The following PRR16 variants were observed in gnomAD, a reference collection of about 807,000 sequenced individuals.
PRR16 encodes the protein proline rich 16, also known as protein Largen.
Under a neutral mutation model 18.2 loss-of-function variants are expected in PRR16, and 6 were observed. That is an observed-to-expected ratio of 0.33 (90% CI 0.18 to 0.65). PRR16 has a LOEUF of 0.65. PRR16 is among the 30% of genes least tolerant of loss of function. PRR16 has a pLI of 0.74. For missense variants in PRR16, 412 were observed against 376.6 expected (o/e 1.09, Z -0.78); for synonymous variants, 151 against 147.8 (o/e 1.02, Z -0.16).
intron 1 of PRR16, among the ~76,000 whole-genome samples, chr5:120,548,674 A>G (rs979476474): frequency 3.9e-5 from 6 of 151,998 alleles, no homozygotes; most frequent in African/African-American, 1.4e-4. Flanking sequence ...ACTATCTTTT[A>G]TCAGTAGAAC....
chr5:120,753,537 T>C, the PRR16 span, among the ~76,000 whole-genome samples: 1 of 151,790 alleles, frequency 6.6e-6, no homozygotes, highest in East Asian at 1.9e-4. Flanking sequence ...GTGATCTATA[T>C]CTGTGTGTTT....
the PRR16 span, among the ~76,000 whole-genome samples, chr5:120,757,380 G>A: frequency 3.5e-4 from 53 of 151,970 alleles, 2 homozygotes; most frequent in African/African-American, 1.0e-3. Flanking sequence ...GACAGTAATC[G>A]CGTTGACTCT....
chr5:120,565,682 AG>A (rs1186088511), intron 1 of PRR16, among the ~76,000 whole-genome samples: 2 of 152,228 alleles, frequency 1.3e-5, no homozygotes, highest in Non-Finnish European at 2.9e-5. Flanking sequence ...TGCTACTAAA[AG>A]ACTTATAGGA....
At chr5:120,697,225 TTTTAGTTAGG>T in the PRR16 span, among the ~76,000 whole-genome samples, 1 of 152,298 alleles carries the variant, frequency 6.6e-6, no homozygotes, top group East Asian at 1.9e-4. Flanking sequence ...AGGATGAGGC[TTTTAGTTAGG>T]TTTATATTTA....
At chr5:120,589,667 A>G (rs1753566909) in intron 1 of PRR16, among the ~76,000 whole-genome samples, 1 of 152,104 alleles carries the variant, frequency 6.6e-6, no homozygotes, top group Non-Finnish European at 1.5e-5. Flanking sequence ...AAGATGTGAA[A>G]GCGGAAATCC....
chr5:120,713,700 T>C, the PRR16 span, among the ~76,000 whole-genome samples: 3 of 152,172 alleles, frequency 2.0e-5, no homozygotes, highest in Non-Finnish European at 4.4e-5. Context: ...CTCAGTAGTT[T>C]TTCCTCCTTT....
chr5:120,673,164 A>G (rs1164287642), intron 1 of PRR16, among the ~76,000 whole-genome samples: 1 of 152,248 alleles, frequency 6.6e-6, no homozygotes, highest in Non-Finnish European at 1.5e-5. Context: ...TGAGAATTAC[A>G]TGTAGTGACT....
chr5:120,679,933 G>A (rs371803438), intron 1 of PRR16, among the ~76,000 whole-genome samples: 4 of 152,116 alleles, frequency 2.6e-5, no homozygotes, highest in Middle Eastern at 3.2e-3. Flanking sequence ...TGTACAATAT[G>A]AGGGCTATAG....
At chr5:120,487,159 A>G (rs1026393927) in intron 1 of PRR16, among the ~76,000 whole-genome samples, 9 of 152,214 alleles carry the variant, frequency 5.9e-5, no homozygotes, top group African/African-American at 9.7e-5. Context: ...TGAACTTTAA[A>G]GTAGTTTTTT....
At chr5:120,776,828 A>G in the PRR16 span, among the ~76,000 whole-genome samples, 1 of 151,890 alleles carries the variant, frequency 6.6e-6, no homozygotes, top group Non-Finnish European at 1.5e-5. Context: ...TAATGTTCTA[A>G]AAGTATTGCT....
intron 1 of PRR16, among the ~76,000 whole-genome samples, chr5:120,503,969 T>G (rs1750556427): frequency 1.3e-5 from 2 of 152,124 alleles, no homozygotes; most frequent in African/African-American, 4.8e-5. Context: ...GGCCATGAAC[T>G]CATCATTTTT....
chr5:120,634,019 A>G (rs1273796008), intron 1 of PRR16, among the ~76,000 whole-genome samples: 1 of 152,172 alleles, frequency 6.6e-6, no homozygotes, highest in Non-Finnish European at 1.5e-5. Context: ...AACATTCTCT[A>G]AGATAAGCCA....
At chr5:120,773,971 G>A in the PRR16 span, among the ~76,000 whole-genome samples, 1 of 152,120 alleles carries the variant, frequency 6.6e-6, no homozygotes, top group Non-Finnish European at 1.5e-5. Flanking sequence ...GTAGCTTGCA[G>A]ATTACCACTT....
the PRR16 span, among the ~76,000 whole-genome samples, chr5:120,785,216 C>T: frequency 6.6e-6 from 1 of 152,118 alleles, no homozygotes; most frequent in African/African-American, 2.4e-5. Flanking sequence ...GTGTCTAGGG[C>T]TACAACCTTT....
chr5:120,695,997 C>A, the PRR16 span, among the ~76,000 whole-genome samples: 2 of 152,020 alleles, frequency 1.3e-5, no homozygotes, highest in Admixed American at 6.6e-5. Flanking sequence ...AACCCCAGCA[C>A]GTTGGGAGGC....
chr5:120,754,411 T>C, the PRR16 span, among the ~76,000 whole-genome samples: 5 of 100,636 alleles, frequency 5.0e-5, 1 homozygote, highest in Admixed American at 1.5e-4. Context: ...TTATACTATA[T>C]ACTATATATT....
the PRR16 span, among the ~76,000 whole-genome samples, chr5:120,764,824 C>T: frequency 1.3e-5 from 2 of 152,156 alleles, no homozygotes; most frequent in East Asian, 3.9e-4. Flanking sequence ...ATAATTAGCA[C>T]TTTCTGCCAC....
At chr5:120,680,873 C>T (rs757448909) in intron 1 of PRR16, among the ~76,000 whole-genome samples, 3 of 152,064 alleles carry the variant, frequency 2.0e-5, no homozygotes, top group African/African-American at 2.4e-5. Context: ...TTTTTCCACT[C>T]GTGTGTGTGT....
intron 1 of PRR16, among the ~76,000 whole-genome samples, chr5:120,488,846 T>C (rs1749914275): frequency 6.6e-6 from 1 of 152,218 alleles, no homozygotes; most frequent in African/African-American, 2.4e-5. Context: ...TTCTGGTGTG[T>C]TGTGTCTTTG....
Sources: allele counts gnomAD v4.1 joint callset (sites outside exome capture counted in the v4.1 genomes callset), GRCh38; gene constraint gnomAD v4.1.1; transcripts MANE v1.5; gene names NCBI Gene and HGNC (gene_info 2026-07-23, HGNC 2026-07-21).